AGBL4: variants seen among roughly 807,000 people sequenced by gnomAD.
The protein encoded by AGBL4 is cytosolic carboxypeptidase 6.
In AGBL4, 58 loss-of-function variants were observed where a neutral mutation model predicts 66.4. The ratio of observed to expected loss-of-function variants is 0.87; its 90% CI spans 0.71 to 1.09. The LOEUF is 1.09. Ranked by LOEUF, AGBL4 falls within the 50% of genes least tolerant of loss-of-function variation. The pLI is 0.00. For missense variants in AGBL4, 579 were observed against 631.0 expected, an observed-to-expected ratio of 0.92 and a Z score of 0.88; for synonymous variants, 234 against 222.9, an observed-to-expected ratio of 1.05 and a Z score of -0.44.
intron 5 of AGBL4, among the ~76,000 whole-genome samples, chr1:48,946,364 C>T (rs1364231130): frequency 6.6e-6 from 1 of 152,158 alleles, no homozygotes; most frequent in African/African-American, 2.4e-5. Flanking sequence ...CTGTGCATCC[C>T]AATTACAGGA....
chr1:49,573,127 T>C (rs1644364994), intron 3 of AGBL4, among the ~76,000 whole-genome samples: 1 of 144,608 alleles, frequency 6.9e-6, no homozygotes, highest in Admixed American at 7.0e-5. Context: ...TATATATATG[T>C]GTGTCTGTGT....
intron 2 of AGBL4, among the ~76,000 whole-genome samples, chr1:49,759,410 A>G (rs921781134): frequency 5.3e-5 from 8 of 152,196 alleles, no homozygotes; most frequent in African/African-American, 1.9e-4. Context: ...AAAGTCTGAG[A>G]AATTCTCAGT....
intron 11 of AGBL4, among the ~76,000 whole-genome samples, chr1:48,546,499 T>C (rs573514582): frequency 6.6e-6 from 1 of 152,162 alleles, no homozygotes; most frequent in South Asian, 2.1e-4. Flanking sequence ...AGAAACGGAG[T>C]GCGGTCAGGC....
chr1:48,722,162 G>A (rs1395533228), intron 6 of AGBL4, among the ~76,000 whole-genome samples: 2 of 152,008 alleles, frequency 1.3e-5, no homozygotes, highest in Non-Finnish European at 2.9e-5. Flanking sequence ...TGAATAGGGA[G>A]GGACTGGGGG....
intron 4 of AGBL4, among the ~76,000 whole-genome samples, chr1:49,164,798 C>T (rs1366275253): frequency 6.6e-6 from 1 of 152,184 alleles, no homozygotes; most frequent in Non-Finnish European, 1.5e-5. Flanking sequence ...TGCCCACTCA[C>T]TTGTGGGATA....
rs551363721 is a variant in AGBL4, at chr1:48,832,327, C to T, written c.634+34864G>A. On this transcript the variant is annotated intron_variant, in intron 6 of 13. Transcript: ENST00000371839. The stretch of plus-strand genomic sequence containing the variant: ...ACAAATAAACATCCTAATACTTTAG[C>T]GAGTTGATGGACCTGCCGTGTGAAT... Among the ~76,000 whole-genome samples the T allele has an allele frequency of 2.0e-5, 3 of 152,286 alleles. No individual in the cohort carries two copies. In the East Asian group the frequency reaches 5.8e-4, roughly 29 times the overall value.
intron 6 of AGBL4, among the ~76,000 whole-genome samples, chr1:48,841,639 T>C (rs1448614373): frequency 2.0e-5 from 3 of 151,822 alleles, no homozygotes; most frequent in African/African-American, 4.8e-5. Flanking sequence ...CAGAACACTA[T>C]GGTAATACCC....
intron 6 of AGBL4, among the ~76,000 whole-genome samples, chr1:48,754,206 C>G (rs528086199): frequency 1.1e-4 from 17 of 152,252 alleles, no homozygotes; most frequent in African/African-American, 4.1e-4. Context: ...GAGGAGAAAC[C>G]AAGAGAGACC....
intron 6 of AGBL4, among the ~76,000 whole-genome samples, chr1:48,786,492 T>C (rs1236528384): frequency 6.6e-6 from 1 of 152,200 alleles, no homozygotes; most frequent in Admixed American, 6.5e-5. Context: ...TTAATCCCTG[T>C]TCCCTTTTTC....
intron 1 of AGBL4, among the ~76,000 whole-genome samples, chr1:49,853,533 T>A (rs910000707): frequency 6.6e-6 from 1 of 152,038 alleles, no homozygotes; most frequent in Non-Finnish European, 1.5e-5. Context: ...ATATGTATAA[T>A]TGGGATTCCC....
At chr1:49,974,659 T>C (rs1658414856) in intron 1 of AGBL4, among the ~76,000 whole-genome samples, 1 of 152,174 alleles carries the variant, frequency 6.6e-6, no homozygotes, top group South Asian at 2.1e-4. Flanking sequence ...CATCATCTTT[T>C]TCTAGAAATG....
At chr1:49,765,346 A>G (rs1652657800) in intron 2 of AGBL4, among the ~76,000 whole-genome samples, 1 of 152,122 alleles carries the variant, frequency 6.6e-6, no homozygotes, top group African/African-American at 2.4e-5. Flanking sequence ...ACAGGGCTAT[A>G]CAAGCAAAGC....
chr1:49,167,864 C>A (rs918055137), intron 4 of AGBL4, among the ~76,000 whole-genome samples: 3 of 152,136 alleles, frequency 2.0e-5, no homozygotes, highest in African/African-American at 7.2e-5. Flanking sequence ...TGGTTCTCTG[C>A]AGGTTCTGCA....
intron 5 of AGBL4, among the ~76,000 whole-genome samples, chr1:48,869,284 T>C (rs1178285587): frequency 6.6e-6 from 1 of 152,178 alleles, no homozygotes; most frequent in Non-Finnish European, 1.5e-5. Flanking sequence ...CACCCACGCA[T>C]GTGGGCTAGA....
intron 2 of AGBL4, among the ~76,000 whole-genome samples, chr1:49,801,659 G>GT: frequency 6.6e-6 from 1 of 152,128 alleles, no homozygotes; most frequent in African/African-American, 2.4e-5. Context: ...GTTCTTCACT[G>GT]TTTGCTTTTC....
chr1:49,451,958 A>T (rs1235129310), intron 3 of AGBL4, among the ~76,000 whole-genome samples: 2 of 151,956 alleles, frequency 1.3e-5, no homozygotes. Flanking sequence ...ATCCATACAT[A>T]TACAATATTA....
intron 6 of AGBL4, among the ~76,000 whole-genome samples, chr1:48,805,590 G>A (rs1645904978): frequency 6.6e-6 from 1 of 152,118 alleles, no homozygotes; most frequent in African/African-American, 2.4e-5. Flanking sequence ...CTATATTAGG[G>A]GCTCAGTGAG....
chr1:48,629,285 T>C (rs916218033), intron 9 of AGBL4, among the ~76,000 whole-genome samples: 2 of 152,082 alleles, frequency 1.3e-5, no homozygotes, highest in Non-Finnish European at 2.9e-5. Flanking sequence ...GTGTGGCTGA[T>C]TGTGTGATGT....
At chr1:49,747,931 GGAGT>G (rs1651115862) in intron 2 of AGBL4, among the ~76,000 whole-genome samples, 3 of 123,960 alleles carry the variant, frequency 2.4e-5, no homozygotes, top group Admixed American at 8.7e-5. Flanking sequence ...ACCAATAAAA[GGAGT>G]GTGTGTGTTT....
Sources: allele counts gnomAD v4.1 joint callset (sites outside exome capture counted in the v4.1 genomes callset), GRCh38; gene constraint gnomAD v4.1.1; transcripts MANE v1.5; gene names NCBI Gene and HGNC (gene_info 2026-07-23, HGNC 2026-07-21).